Variants in FGF13 observed in about 807,000 individuals in gnomAD.
FGF13 encodes fibroblast growth factor homologous factor 2.
FGF13 carries 2 observed loss-of-function variants against 19.5 expected under a neutral mutation model. The observed-to-expected ratio is 0.10, with a 90% CI of 0.04 to 0.32. The LOEUF (loss-of-function observed/expected upper bound fraction) is 0.32. Among genes scored for constraint, FGF13 ranks in the 10% least tolerant of loss-of-function variants. FGF13 has a pLI of 1.00. For missense variants in FGF13, 113 were observed against 192.7 expected, an observed-to-expected ratio of 0.59 and a Z score of 2.45; for synonymous variants, 72 against 76.9, an observed-to-expected ratio of 0.94 and a Z score of 0.33.
upstream of FGF13, chrX:138,711,797 T>TCCCACC (rs1236423017): frequency 1.9e-4 from 64 of 344,118 alleles, no homozygotes; most frequent in African/African-American, 1.8e-3. Context: ...AGGCCGCCCC[T>TCCCACC]CCCACCCCCA....
At chrX:138,996,198 A>G (rs1024924006) in intron 1 of FGF13, among the ~76,000 whole-genome samples, 81 of 112,383 alleles carry the variant, frequency 7.2e-4, no homozygotes, top group African/African-American at 2.6e-3. Context: ...GGCGCAACCC[A>G]CAGAGGGCAA....
At chrX:138,741,405 G>A (rs1045533334), upstream of FGF13, among the ~76,000 whole-genome samples, 2 of 111,245 alleles carry the variant, frequency 1.8e-5, no homozygotes, top group African/African-American at 6.5e-5. Context: ...AATGAGAGCC[G>A]ACATGGAGCC....
At chrX:138,675,877 C>T (rs1004638673) in intron 3 of FGF13, among the ~76,000 whole-genome samples, 10 of 111,135 alleles carry the variant, frequency 9.0e-5, no homozygotes, top group African/African-American at 3.3e-4. Context: ...ATGATTCCAC[C>T]ATGTGGTGAC....
intron 1 of FGF13, among the ~76,000 whole-genome samples, chrX:138,960,725 C>T (rs1160930532): frequency 9.0e-6 from 1 of 111,602 alleles, no homozygotes; most frequent in East Asian, 2.8e-4. Flanking sequence ...TCTTTTTTCT[C>T]TAAACTTCTC....
At chrX:138,720,814 ATTC>A (rs766066652) in intron 1 of FGF13, among the ~76,000 whole-genome samples, 4 of 111,822 alleles carry the variant, frequency 3.6e-5, no homozygotes, top group Admixed American at 9.5e-5. Flanking sequence ...CTGGTACTAT[ATTC>A]TTCTTACTAG....
intron 1 of FGF13, among the ~76,000 whole-genome samples, chrX:138,954,153 C>G (rs1410661271): frequency 9.4e-6 from 1 of 106,602 alleles, no homozygotes; most frequent in Non-Finnish European, 1.9e-5. Flanking sequence ...GAAGAGCAAG[C>G]TTTAAAATCA....
rs2089053361 is a variant in FGF13 at position 138,625,500 on chromosome X, T to TATATATATAATATATATATATAC, written c.*7349_*7350insGTATATATATATATTATATATAT. Reference sequence around the variant, plus strand: ...TATATATATAATATATATATATACATATATATATATAATATAATATATATA... The same window carrying TATATATATAATATATATATATAC: ...TATATATATAATATATATATATACATATATATATAATATATATATATACATATATATATAATATAATATATATA... On this transcript the variant is annotated 3_prime_UTR_variant, in exon 5 of 5. Transcript: ENST00000315930. 1 of 89,802 alleles carries TATATATATAATATATATATATAC rather than the reference T, an allele frequency of 1.1e-5. No individual in the cohort carries two copies. The highest frequency in any genetic ancestry group is 5.2e-5 in the African/African-American group (1 of 19,292). The allele number at this position is 89,802 out of a possible 1,213,427, so 7.4% of individuals were successfully genotyped here.
At chrX:138,762,758 A>C (rs2124331999) in intron 3 of FGF13, among the ~76,000 whole-genome samples, 1 of 112,327 alleles carries the variant, frequency 8.9e-6, no homozygotes, top group South Asian at 3.7e-4. Context: ...TATTGCAAGA[A>C]GTAAATGAGA....
chrX:138,830,275 T>C lies in FGF13; in HGVS notation c.217+27237A>G, dbSNP rs192553806. Among the ~76,000 whole-genome samples, 345 of 111,607 alleles carry C rather than the reference T, an allele frequency of 3.1e-3. 3 individuals carry two copies. The highest frequency in any genetic ancestry group is 0.026 in the Admixed American group (273 of 10,484). ...AAGGCTCAAAAGAAGAGGAGAGCTA[T>C]AGGAGAAGTTCAAATCTTCTTAGAG... On this transcript the variant is annotated intron_variant, in intron 3 of 6. Coordinates refer to the FGF13 transcript ENST00000436198.
intron 3 of FGF13, among the ~76,000 whole-genome samples, chrX:138,821,934 T>C (rs1479143370): frequency 5.4e-5 from 6 of 111,721 alleles, no homozygotes; most frequent in Non-Finnish European, 7.5e-5. Flanking sequence ...GAACCAAGGC[T>C]CATACCCTGC....
rs186778712 is a variant in FGF13 at position 138,902,914 on chromosome X, A to G, written c.-112-38264T>C. Among the ~76,000 whole-genome samples the G allele has an allele frequency of 1.9e-4, 21 of 111,685 alleles. No homozygotes were observed. The East Asian group carries it at 5.6e-3, about 30-fold the overall frequency. ...AGTTTTAAATAAAGATCAATTTCAT[A>G]GAAGCTGAGATTAGCTATTGTTTTA... On this transcript the variant is annotated intron_variant, in intron 1 of 2. Transcript: ENST00000421460.
At chrX:139,196,460 C>T (rs2148280975) in intron 1 of FGF13, among the ~76,000 whole-genome samples, 1 of 111,751 alleles carries the variant, frequency 8.9e-6, no homozygotes, top group South Asian at 3.8e-4. Context: ...CCCGGCACAG[C>T]ACCTGATAGA....
intron 3 of FGF13, among the ~76,000 whole-genome samples, chrX:138,701,343 G>A (rs1200514067): frequency 8.9e-6 from 1 of 112,081 alleles, no homozygotes; most frequent in Non-Finnish European, 1.9e-5. Flanking sequence ...TCCTGCTGAG[G>A]CAGTCTGTTG....
At chrX:139,176,019 T>A (rs761873214) in intron 1 of FGF13, among the ~76,000 whole-genome samples, 15 of 111,995 alleles carry the variant, frequency 1.3e-4, no homozygotes, top group African/African-American at 4.9e-4. Context: ...AGGCTGTGAA[T>A]CTGTCTGGTC....
chrX:138,746,813 A>G (rs1327975718), intron 3 of FGF13, among the ~76,000 whole-genome samples: 2 of 112,641 alleles, frequency 1.8e-5, no homozygotes, highest in Non-Finnish European at 3.8e-5. Context: ...CCCAGCATAC[A>G]GTAAGCAGTG....
At chrX:139,061,238 G>C (rs759906332) in intron 1 of FGF13, among the ~76,000 whole-genome samples, 2 of 111,507 alleles carry the variant, frequency 1.8e-5, no homozygotes, top group Non-Finnish European at 3.8e-5. Flanking sequence ...CCACTGCTAT[G>C]GTTTCAATAT....
intron 1 of FGF13, among the ~76,000 whole-genome samples, chrX:138,960,332 G>A (rs922120664): frequency 1.8e-5 from 2 of 111,793 alleles, no homozygotes; most frequent in Non-Finnish European, 3.8e-5. Flanking sequence ...TTTTCTTTAA[G>A]AATGTTGAAT....
intron 1 of FGF13, among the ~76,000 whole-genome samples, chrX:139,197,299 G>C (rs1317835577): frequency 8.9e-6 from 1 of 112,583 alleles, no homozygotes; most frequent in Non-Finnish European, 1.9e-5. Flanking sequence ...TGTACTAAGA[G>C]CTACTGTACT....
chrX:138,659,675 T>C (rs2089470228), intron 3 of FGF13, among the ~76,000 whole-genome samples: 1 of 111,930 alleles, frequency 8.9e-6, no homozygotes, highest in Admixed American at 9.5e-5. Context: ...CCATCAATGA[T>C]AGACTGGATG....
Sources: gnomAD v4.1 joint callset for allele counts (sites outside exome capture counted in the v4.1 genomes callset) on GRCh38, gnomAD v4.1.1 for gene constraint, MANE v1.5 for transcripts, NCBI Gene and HGNC (gene_info 2026-07-23, HGNC 2026-07-21) for gene names.